Variants in TIE1 observed in about 807,000 individuals in gnomAD.
TIE1 encodes the protein tyrosine-protein kinase receptor Tie-1.
A neutral mutation model predicts 130.5 loss-of-function variants in TIE1; 89 were observed. The observed-to-expected ratio is 0.68, with a 90% CI of 0.57 to 0.81. The LOEUF (loss-of-function observed/expected upper bound fraction) is 0.81, where lower values mean the gene tolerates loss of function less well. Ranked by LOEUF, TIE1 falls within the 40% of genes least tolerant of loss-of-function variation. The probability of loss-of-function intolerance (pLI) is 0.00; values close to 1 mark genes in which losing one functional copy is unlikely to be tolerated. For missense variants in TIE1, 1,392 were observed against 1,559.8 expected, an observed-to-expected ratio of 0.89 and a Z score of 1.81; for synonymous variants, 568 against 629.4, an observed-to-expected ratio of 0.90 and a Z score of 1.46.
chr1:43,317,961 T>G lies in TIE1; in HGVS notation c.2811T>G (p.Thr937=). The change falls in exon 17 of 23, where the codon ACT becomes ACG. Residue 937 remains threonine, a synonymous_variant. Coordinates refer to ENST00000372476, the MANE Select transcript of TIE1 (RefSeq NM_005424.5). This position sits in a 1 kb window ranked among gnomAD's most constrained non-coding sequence, Gnocchi z 5.1. ...DFLRKSRVLE[T]DPAFAREHGT... ...TGCGGAAAAGCCGGGTCCTAGAGAC[T>G]GACCCAGCTTTTGCTCGAGAGCATG... 6.2e-7 allele frequency: 1 copy of G among 1,613,762 alleles called. No homozygotes were observed. The highest frequency in any genetic ancestry group is 2.2e-5 in the East Asian group (1 of 44,888).
rs773223526 is a variant in TIE1, at chr1:43,312,170, G to T, written c.1630+39G>T. On this transcript the variant is annotated intron_variant, in intron 11 of 22. Coordinates refer to ENST00000372476, the MANE Select transcript of TIE1 (RefSeq NM_005424.5). The surrounding 1 kb of genome is among the most constrained non-coding windows in gnomAD (Gnocchi z 5.6). The stretch of plus-strand genomic sequence containing the variant: ...AGTCATCCCTTCCTGTCCCCCCAAG[G>T]GTTACTTTCCCGTCGACCCCAGGGA... 5.9e-6 allele frequency: 9 copies of T among 1,515,506 alleles called. No individual in the cohort carries two copies. In the African/African-American group the frequency reaches 1.1e-4, roughly 19 times the overall value. The allele number at this position is 1,515,506 out of a possible 1,614,324, so 93.9% of individuals were successfully genotyped here.
intron 1 of TIE1, among the ~76,000 whole-genome samples, chr1:43,301,461 T>C (rs1007804124): frequency 6.6e-6 from 1 of 150,664 alleles, no homozygotes; most frequent in Non-Finnish European, 1.5e-5. Flanking sequence ...GTCTCCATTG[T>C]GTTTAGACTT....
At position 43,320,059 on chromosome 1, in the gene TIE1, C is replaced by A. The variant is rs918451334; in HGVS notation, c.3107+530C>A. ...CTTGCCTGCATGGCTCACTGCTTAC[C>A]ACACTGATCACTCCTCTGACCACTA... On this transcript the variant is annotated intron_variant, in intron 19 of 22. Transcript: ENST00000372476. The A allele has an allele frequency of 6.0e-5, 11 of 182,362 alleles. No homozygotes were observed. In the South Asian group the frequency reaches 1.3e-3, roughly 22 times the overall value. The allele number at this position is 182,362 out of a possible 1,614,324, so 11.3% of individuals were successfully genotyped here.
Position 43,313,760 on chromosome 1 carries a change from C to G in TIE1, c.2219-18C>G, listed in dbSNP as rs1345776942. The G allele has an allele frequency of 3.7e-6, 6 of 1,600,300 alleles. No individual in the cohort carries two copies. The highest frequency in any genetic ancestry group is 5.1e-6 in the Non-Finnish European group (6 of 1,171,884). Reference sequence around the variant, plus strand: ...TGACCCAGGTGTCCCCACAATCTGCCCCTCTCACTGTGTCCAGGGCTGCAG... The same window carrying G: ...TGACCCAGGTGTCCCCACAATCTGCGCCTCTCACTGTGTCCAGGGCTGCAG... On this transcript the variant is annotated intron_variant, in intron 13 of 22. Transcript: ENST00000372476. This position sits in a 1 kb window ranked among gnomAD's most constrained non-coding sequence, Gnocchi z 6.2.
At position 43,305,126 on chromosome 1, in the gene TIE1, C is replaced by A. The variant is rs759222423; in HGVS notation, c.334C>A (p.Arg112=). 1 of 1,613,620 alleles carries A rather than the reference C, an allele frequency of 6.2e-7. No individual in the cohort carries two copies. Among genetic ancestry groups the A allele is most frequent in the Non-Finnish European group, 8.5e-7 (1 of 1,179,812 alleles). ...VFSCVGGAGA[R]RTRVIYVHNS... ...CTCCTGCGTGGGCGGTGCTGGGGCG[C>A]GGCGCACGCGCGTCATCTACGTGCA... Residue 112 remains arginine (R), a synonymous_variant, in exon 2 of 23, where the codon CGG becomes AGG. Coordinates refer to ENST00000372476, the MANE Select transcript of TIE1 (RefSeq NM_005424.5).
rs867008139 is a variant in TIE1, at chr1:43,317,827, C to T, written c.2732-55C>T. 36 of 1,589,838 alleles carry T rather than the reference C, an allele frequency of 2.3e-5. No homozygotes were observed. In the Middle Eastern group the frequency reaches 1.7e-3, roughly 74 times the overall value. On this transcript the variant is annotated intron_variant, in intron 16 of 22. Coordinates refer to ENST00000372476, the MANE Select transcript of TIE1 (RefSeq NM_005424.5). This position sits in a 1 kb window ranked among gnomAD's most constrained non-coding sequence, Gnocchi z 5.1. ...TGTCTGTTACCATCGGGTGCCTGCT[C>T]CCACCCTAGGTTGCCTGTGTCTAAA...
intron 1 of TIE1, 24 bp downstream of exon 1, chr1:43,301,153 C>A (rs914090114): frequency 3.1e-6 from 5 of 1,605,788 alleles, no homozygotes; most frequent in Non-Finnish European, 4.3e-6. Context: ...GAGTCCCTCA[C>A]CCCATTTCTA....
Position 43,314,002 on chromosome 1 carries a change from T to G in TIE1, c.2409+34T>G, listed in dbSNP as rs191849421. ...CCCGCCCCGCCCCTGGGTGCATGCTTGCAGCCCGTGTTTATGTTTCTACCT... is the reference window on the plus strand; with the variant it reads ...CCCGCCCCGCCCCTGGGTGCATGCTGGCAGCCCGTGTTTATGTTTCTACCT... On this transcript the variant is annotated intron_variant, in intron 14 of 22. Coordinates refer to ENST00000372476, the MANE Select transcript of TIE1 (RefSeq NM_005424.5). The G allele has an allele frequency of 2.5e-6, 4 of 1,609,912 alleles. No homozygotes were observed. The Admixed American group carries it at 6.7e-5, about 27-fold the overall frequency.
chr1:43,314,053 TTGTGTGTGTGTG>T, intron 14 of TIE1, 85 bp downstream of exon 14: 1 of 1,243,262 alleles, frequency 8.0e-7, no homozygotes, highest in Non-Finnish European at 1.2e-6. Context: ...CTTGTACACC[TTGTGTGTGTGTG>T]TGTGTGTGTG....
chr1:43,307,688 C>G lies in TIE1; in HGVS notation c.914-108C>G. The G allele has an allele frequency of 6.3e-7, 1 of 1,598,480 alleles. No homozygotes were observed. Among genetic ancestry groups the G allele is most frequent in the Non-Finnish European group, 8.5e-7 (1 of 1,169,670 alleles). On this transcript the variant is annotated intron_variant, in intron 6 of 22. Transcript: ENST00000372476. The surrounding 1 kb of genome is among the most constrained non-coding windows in gnomAD (Gnocchi z 5.4). ...AAGCCCTCCTGCTCACTTGACCAGT[C>G]CTTCTATCCTCAGCCTGTTGTATAA...
chr1:43,307,826 G>C lies in TIE1; in HGVS notation c.944G>C (p.Cys315Ser), dbSNP rs1041785680. ...GCCCCTGGTCATTTTGGGGCTGATT[G>C]CCGACTCCAGTGCCAGTGTCAGAAT... is the stretch of plus-strand genomic sequence containing the variant. ...ACAPGHFGAD[C>S]RLQCQCQNGG... Residue 315 changes from cysteine to serine, a missense_variant, in exon 7 of 23, where the codon TGC becomes TCC. Physicochemically the swap from Cys to Ser is moderately radical, Grantham distance 112 (BLOSUM62 -1). Transcript: ENST00000372476. This position sits in a 1 kb window ranked among gnomAD's most constrained non-coding sequence, Gnocchi z 5.4. The C allele has an allele frequency of 6.2e-7, 1 of 1,614,134 alleles. No homozygotes were observed. The highest frequency in any genetic ancestry group is 8.5e-7 in the Non-Finnish European group (1 of 1,180,026).
Position 43,317,988 on chromosome 1 carries a change from G to C in TIE1, c.2838G>C (p.Gly946=). Residue 946 remains glycine (G), a synonymous_variant, in exon 17 of 23, where the codon GGG becomes GGC. Transcript: ENST00000372476. The surrounding 1 kb of genome is among the most constrained non-coding windows in gnomAD (Gnocchi z 5.1). ...ETDPAFAREH[G]TASTLSSRQL... is the part of the protein sequence containing the mutation. ...ACCCAGCTTTTGCTCGAGAGCATGG[G>C]ACAGCCTCTACCCTTAGCTCCCGGC... is the stretch of plus-strand genomic sequence containing the variant. 6.2e-7 allele frequency: 1 copy of C among 1,611,120 alleles called. No individual in the cohort carries two copies.
rs773464986 is a variant in TIE1 at position 43,306,672 on chromosome 1, G to T, written c.485-168G>T. 2.0e-5 allele frequency among the ~76,000 whole-genome samples: 3 copies of T among 152,154 alleles called. No individual in the cohort carries two copies. Among genetic ancestry groups the T allele is most frequent in the Non-Finnish European group, 4.4e-5 (3 of 68,012 alleles). ...TGGGTGGCTGGTGGAGCATGAAGAA[G>T]AGGGCACTTCTGAGCTTTCTGGCGT... On this transcript the variant is annotated intron_variant, in intron 3 of 22. Coordinates refer to ENST00000372476, the MANE Select transcript of TIE1 (RefSeq NM_005424.5). The surrounding 1 kb of genome is among the most constrained non-coding windows in gnomAD (Gnocchi z 4.9).
chr1:43,305,228 C>G lies in TIE1; in HGVS notation c.374-5C>G, dbSNP rs763969287. The G allele has an allele frequency of 1.9e-6, 3 of 1,613,886 alleles. No individual in the cohort carries two copies. Among genetic ancestry groups the G allele is most frequent in the Admixed American group, 1.7e-5 (1 of 59,990 alleles). On this transcript the variant is annotated splice_polypyrimidine_tract_variant and splice_region_variant and intron_variant, in intron 2 of 22. Transcript: ENST00000372476. Reference sequence around the variant, plus strand: ...CAGGCCGCTGACCCACCTTCCACCCCGCAGCCCACCTGCTTCCAGACAAGG... The same window carrying G: ...CAGGCCGCTGACCCACCTTCCACCCGGCAGCCCACCTGCTTCCAGACAAGG...
At chr1:43,320,845 ACT>A (rs1404832708) in intron 19 of TIE1, 49 of 145,748 alleles carry the variant, frequency 3.4e-4, no homozygotes, top group African/African-American at 1.2e-3. Context: ...ACAGAGCGAG[ACT>A]CTGTCTCAAA....
chr1:43,302,153 T>C (rs1159981908), intron 1 of TIE1, among the ~76,000 whole-genome samples: 1 of 152,174 alleles, frequency 6.6e-6, no homozygotes, highest in Non-Finnish European at 1.5e-5. Context: ...TGGACAAACA[T>C]TTATTGAGCA....
In TIE1 at chr1:43,319,231, A is replaced by G. The variant is rs768477437; in HGVS notation, c.2923-4A>G. 3 of 1,611,918 alleles carry G rather than the reference A, an allele frequency of 1.9e-6. No individual in the cohort carries two copies. The highest frequency in any genetic ancestry group is 2.5e-6 in the Non-Finnish European group (3 of 1,178,080). On this transcript the variant is annotated splice_region_variant and splice_polypyrimidine_tract_variant and intron_variant, in intron 17 of 22. Coordinates refer to ENST00000372476, the MANE Select transcript of TIE1 (RefSeq NM_005424.5). This position sits in a 1 kb window ranked among gnomAD's most constrained non-coding sequence, Gnocchi z 4.7. ...TCTCTCCTGACTTCTGACCCTGCCT[A>G]CAGTTCATCCACAGGGACCTGGCTG...
At chr1:43,308,420 T>C (rs1316178023) in intron 7 of TIE1, among the ~76,000 whole-genome samples, 1 of 148,472 alleles carries the variant, frequency 6.7e-6, no homozygotes, top group Non-Finnish European at 1.5e-5. Context: ...GATTGGGGAC[T>C]CAGGTTTGGG....
intron 1 of TIE1, among the ~76,000 whole-genome samples, chr1:43,301,782 T>G (rs1034718568): frequency 6.6e-6 from 1 of 152,170 alleles, no homozygotes; most frequent in Non-Finnish European, 1.5e-5. Context: ...GGCAAGAGAA[T>G]CGCTTGAATC....
Sources: allele counts gnomAD v4.1 joint callset (sites outside exome capture counted in the v4.1 genomes callset), GRCh38; gene constraint gnomAD v4.1.1; non-coding constraint Gnocchi (gnomAD v3.1); transcripts MANE v1.5; gene names NCBI Gene and HGNC (gene_info 2026-07-23, HGNC 2026-07-21).